The following RNF2 variants were observed in gnomAD, a reference collection of about 807,000 sequenced individuals.
RNF2 encodes the protein ring finger protein 2, also known as E3 ubiquitin-protein ligase RING2.
A neutral mutation model predicts 37.2 loss-of-function variants in RNF2; 6 were observed. The observed-to-expected ratio is 0.16, with a 90% CI of 0.09 to 0.32. The LOEUF (loss-of-function observed/expected upper bound fraction) is 0.32, where lower values mean the gene tolerates loss of function less well. Ranked by LOEUF, RNF2 falls within the 10% of genes least tolerant of loss-of-function variation. The pLI is 1.00. For synonymous variants in RNF2, 133 were observed against 132.7 expected (o/e 1.00, Z -0.02); for missense variants, 251 against 404.0 (o/e 0.62, Z 3.25).
chr1:185,062,765 TAAA>T (rs200657857), intron 1 of RNF2, among the ~76,000 whole-genome samples: 1 of 143,012 alleles, frequency 7.0e-6, no homozygotes, highest in Non-Finnish European at 1.5e-5. Context: ...CAAGTTAACT[TAAA>T]AAAAAAACCT....
chr1:185,081,265 C>T (rs1651340667), intron 1 of RNF2, among the ~76,000 whole-genome samples: 1 of 152,178 alleles, frequency 6.6e-6, no homozygotes. Context: ...AAAGTATTTT[C>T]TGCATCCTGC....
chr1:185,090,684 G>A (rs879273812), intron 2 of RNF2, among the ~76,000 whole-genome samples: 5 of 152,172 alleles, frequency 3.3e-5, no homozygotes, highest in Admixed American at 3.3e-4. Flanking sequence ...ATTTATACCT[G>A]CATCTTCCTT....
chr1:185,084,892 G>A (rs1425797650), intron 1 of RNF2, among the ~76,000 whole-genome samples: 3 of 152,102 alleles, frequency 2.0e-5, no homozygotes, highest in Admixed American at 6.6e-5. Flanking sequence ...ATCAAACTCT[G>A]TGATTACCAG....
intron 1 of RNF2, among the ~76,000 whole-genome samples, chr1:185,052,512 T>G (rs1445457065): frequency 1.3e-5 from 2 of 152,176 alleles, no homozygotes; most frequent in Non-Finnish European, 2.9e-5. Flanking sequence ...ATATCCAGAA[T>G]AGAAAAATCC....
At chr1:185,072,479 C>T (rs1036684704) in intron 1 of RNF2, among the ~76,000 whole-genome samples, 5 of 151,832 alleles carry the variant, frequency 3.3e-5, no homozygotes, top group African/African-American at 1.2e-4. Context: ...AAAGAGAGAA[C>T]GTGAGATAAA....
intron 1 of RNF2, among the ~76,000 whole-genome samples, chr1:185,054,506 G>C (rs1236805488): frequency 6.6e-6 from 1 of 152,026 alleles, no homozygotes; most frequent in African/African-American, 2.4e-5. Flanking sequence ...CCTCCGGGCC[G>C]GCCAGACGCC....
intron 1 of RNF2, among the ~76,000 whole-genome samples, chr1:185,064,368 G>A (rs892355918): frequency 6.6e-6 from 1 of 152,052 alleles, no homozygotes; most frequent in Non-Finnish European, 1.5e-5. Context: ...TTTCAACACT[G>A]GCAGGATTTC....
chr1:185,055,372 A>G (rs1370025412), intron 1 of RNF2, among the ~76,000 whole-genome samples: 1 of 152,172 alleles, frequency 6.6e-6, no homozygotes, highest in Non-Finnish European at 1.5e-5. Context: ...ATAAACCTGT[A>G]TCGTTTATTT....
chr1:185,070,629 T>C (rs998546710), intron 1 of RNF2, among the ~76,000 whole-genome samples: 1 of 150,888 alleles, frequency 6.6e-6, no homozygotes, highest in Non-Finnish European at 1.5e-5. Context: ...GACTGCAGTA[T>C]TTTCTTTTCT....
At chr1:185,076,268 G>GTTTTTT (rs71101959) in intron 1 of RNF2, among the ~76,000 whole-genome samples, 411 of 27,320 alleles carry the variant, frequency 0.015, 150 homozygotes, top group Non-Finnish European at 0.025. Context: ...TTTATGGGTT[G>GTTTTTT]TTTTTTTTTT....
At chr1:185,068,301 C>T (rs1053621320) in intron 1 of RNF2, among the ~76,000 whole-genome samples, 1 of 152,036 alleles carries the variant, frequency 6.6e-6, no homozygotes, top group Non-Finnish European at 1.5e-5. Flanking sequence ...AAAAATGTCC[C>T]CCAAAAGATA....
chr1:185,091,493 T>G, intron 2 of RNF2, 86 bp from the exon 3 acceptor site: 1 of 1,363,820 alleles, frequency 7.3e-7, no homozygotes, highest in South Asian at 1.3e-5. Context: ...ATGTTTGTTT[T>G]TACCATTTCC....
At position 185,100,773 on chromosome 1, in the gene RNF2, A is replaced by T. The variant is rs1447440882; in HGVS notation, c.*472A>T. ...TATAAACTGTAGTATCTTCATGAAGACCCAAGGCTCAAATTTACTGTCCTT... is the reference window on the plus strand; with the variant it reads ...TATAAACTGTAGTATCTTCATGAAGTCCCAAGGCTCAAATTTACTGTCCTT... On this transcript the variant is annotated 3_prime_UTR_variant, in exon 7 of 7. Coordinates refer to ENST00000367510, the MANE Select transcript of RNF2 (RefSeq NM_007212.4). The T allele has an allele frequency of 6.6e-6, 1 of 152,352 alleles. No homozygotes were observed. The highest frequency in any genetic ancestry group is 1.9e-4 in the East Asian group (1 of 5,194). The allele number at this position is 152,352 out of a possible 1,614,324, so 9.4% of individuals were successfully genotyped here.
chr1:185,091,785 A>G (rs780292156), intron 3 of RNF2, 46 bp downstream of exon 3: 9 of 1,502,124 alleles, frequency 6.0e-6, no homozygotes, highest in Non-Finnish European at 8.2e-6. Flanking sequence ...TTGTACCACG[A>G]AAGTGCTTTC....
chr1:185,051,516 T>G (rs188803245), intron 1 of RNF2, among the ~76,000 whole-genome samples: 22 of 152,250 alleles, frequency 1.4e-4, no homozygotes, highest in African/African-American at 4.8e-4. Flanking sequence ...CATGGTAAGT[T>G]TAAGGGGTGT....
chr1:185,090,397 C>G (rs899013355), intron 2 of RNF2, among the ~76,000 whole-genome samples: 1 of 152,180 alleles, frequency 6.6e-6, no homozygotes, highest in Admixed American at 6.5e-5. Context: ...CTTGATTACT[C>G]TCTGGGTCAT....
chr1:185,093,856 T>C (rs1209488874), intron 4 of RNF2, among the ~76,000 whole-genome samples: 2 of 152,168 alleles, frequency 1.3e-5, no homozygotes, highest in Non-Finnish European at 2.9e-5. Context: ...CAGAGACCAG[T>C]GTTTGTTTCT....
At chr1:185,080,550 C>A (rs148770959) in intron 1 of RNF2, among the ~76,000 whole-genome samples, 2 of 152,300 alleles carry the variant, frequency 1.3e-5, no homozygotes, top group East Asian at 3.9e-4. Context: ...TCAGGATCAA[C>A]TGCTGTACTA....
At chr1:185,092,426 C>T (rs1037538260) in intron 3 of RNF2, among the ~76,000 whole-genome samples, 38 of 152,284 alleles carry the variant, frequency 2.5e-4, no homozygotes, top group Middle Eastern at 3.4e-3. Context: ...CCACCCGCCT[C>T]GGCCTCCCAA....
Sources: gnomAD v4.1 joint callset for allele counts (sites outside exome capture counted in the v4.1 genomes callset) on GRCh38, gnomAD v4.1.1 for gene constraint, MANE v1.5 for transcripts, NCBI Gene and HGNC (gene_info 2026-07-23, HGNC 2026-07-21) for gene names.